Variants in SPOCK1 observed in about 807,000 individuals in gnomAD.
The protein encoded by SPOCK1 is testican-1.
A neutral mutation model predicts 55.3 loss-of-function variants in SPOCK1; 23 were observed. That is an observed-to-expected ratio of 0.42 (90% CI 0.30 to 0.59). SPOCK1 has a LOEUF of 0.59. Among genes scored for constraint, SPOCK1 ranks in the 20% least tolerant of loss-of-function variants. The pLI is 0.22. For missense variants in SPOCK1, 499 were observed against 552.5 expected (o/e 0.90, Z 0.97); for synonymous variants, 226 against 221.0 (o/e 1.02, Z -0.20).
At chr5:137,290,227 G>A (rs1226449073) in intron 2 of SPOCK1, among the ~76,000 whole-genome samples, 5 of 151,956 alleles carry the variant, frequency 3.3e-5, no homozygotes, top group Non-Finnish European at 5.9e-5. Flanking sequence ...TAATCAAATG[G>A]ACATTGTGTT....
intron 3 of SPOCK1, among the ~76,000 whole-genome samples, chr5:137,187,246 G>C (rs1295223679): frequency 1.3e-5 from 2 of 152,120 alleles, no homozygotes; most frequent in Non-Finnish European, 2.9e-5. Flanking sequence ...TGAGCTCCAG[G>C]CTCATCTGTC....
intron 6 of SPOCK1, among the ~76,000 whole-genome samples, chr5:137,017,411 C>A (rs1751468375): frequency 6.6e-6 from 1 of 152,152 alleles, no homozygotes; most frequent in Non-Finnish European, 1.5e-5. Flanking sequence ...TAAAAGAAAA[C>A]AAGAATAATA....
intron 2 of SPOCK1, among the ~76,000 whole-genome samples, chr5:137,426,882 C>G (rs1752623522): frequency 6.6e-6 from 1 of 152,166 alleles, no homozygotes; most frequent in Admixed American, 6.5e-5. Flanking sequence ...ATAAGGTGCA[C>G]CACAATATTG....
chr5:137,322,186 G>T (rs753222097), intron 2 of SPOCK1, among the ~76,000 whole-genome samples: 7 of 151,818 alleles, frequency 4.6e-5, no homozygotes, highest in Non-Finnish European at 8.8e-5. Flanking sequence ...ACAAAAATTA[G>T]CCAGGCATGT....
chr5:137,208,161 A>T (rs569437684), intron 3 of SPOCK1, among the ~76,000 whole-genome samples: 1 of 152,270 alleles, frequency 6.6e-6, no homozygotes, highest in East Asian at 1.9e-4. Context: ...CCAGAAAAAC[A>T]TTATTTTTTT....
rs116556490 is a variant in SPOCK1, at chr5:137,171,204, C to T, written c.233-30510G>A. Reference sequence around the variant, plus strand: ...CTGACAATCTGCTCTTCTCCCATCACGCTCGCCTCTGAACTCACGCTCTTG... The same window carrying T: ...CTGACAATCTGCTCTTCTCCCATCATGCTCGCCTCTGAACTCACGCTCTTG... On this transcript the variant is annotated intron_variant, in intron 3 of 10. Coordinates refer to ENST00000394945, the MANE Select transcript of SPOCK1 (RefSeq NM_004598.4). 7.6e-3 allele frequency among the ~76,000 whole-genome samples: 1,159 copies of T among 152,278 alleles called. 16 individuals are homozygous for T. The highest frequency in any genetic ancestry group is 0.027 in the African/African-American group (1,125 of 41,568).
chr5:137,335,406 G>T (rs2127153325), intron 2 of SPOCK1, among the ~76,000 whole-genome samples: 1 of 152,360 alleles, frequency 6.6e-6, no homozygotes, highest in African/African-American at 2.4e-5. Context: ...GTAGTGGAAT[G>T]ACAGGTGCTT....
intron 2 of SPOCK1, among the ~76,000 whole-genome samples, chr5:137,282,520 T>G (rs948188255): frequency 5.9e-5 from 9 of 152,194 alleles, no homozygotes; most frequent in Non-Finnish European, 1.2e-4. Context: ...GGGCCCACAC[T>G]CCTGCTATCA....
chr5:137,276,596 C>T, intron 2 of SPOCK1, among the ~76,000 whole-genome samples: 1 of 152,236 alleles, frequency 6.6e-6, no homozygotes, highest in East Asian at 1.9e-4. Context: ...ACAATCCAAC[C>T]TCGGCTGGTT....
intron 3 of SPOCK1, among the ~76,000 whole-genome samples, chr5:137,195,418 CTTAACA>C (rs1374390771): frequency 6.6e-6 from 1 of 152,226 alleles, no homozygotes; most frequent in Non-Finnish European, 1.5e-5. Context: ...TGTGGTTTTG[CTTAACA>C]TTAATTGTTT....
chr5:137,273,662 G>A (rs924786542), intron 2 of SPOCK1, among the ~76,000 whole-genome samples: 29 of 152,068 alleles, frequency 1.9e-4, no homozygotes, highest in African/African-American at 6.3e-4. Context: ...CATTGCTGCC[G>A]AACAGCTAGC....
intron 2 of SPOCK1, among the ~76,000 whole-genome samples, chr5:137,497,650 T>A (rs1442736569): frequency 6.6e-6 from 1 of 152,114 alleles, no homozygotes; most frequent in Non-Finnish European, 1.5e-5. Context: ...AGGCCGCAAG[T>A]GTGTTTCTGC....
At chr5:137,283,608 G>A (rs1757206959) in intron 2 of SPOCK1, among the ~76,000 whole-genome samples, 1 of 152,106 alleles carries the variant, frequency 6.6e-6, no homozygotes, top group Non-Finnish European at 1.5e-5. Flanking sequence ...CCAGCTACCT[G>A]GGAGGATGAG....
chr5:137,209,905 C>T (rs1244357006), intron 3 of SPOCK1, among the ~76,000 whole-genome samples: 1 of 152,216 alleles, frequency 6.6e-6, no homozygotes, highest in Non-Finnish European at 1.5e-5. Flanking sequence ...TGCTCTTGGG[C>T]ATTAAGACTC....
intron 2 of SPOCK1, among the ~76,000 whole-genome samples, chr5:137,346,877 T>C (rs974075845): frequency 2.0e-5 from 3 of 152,278 alleles, no homozygotes; most frequent in East Asian, 3.9e-4. Context: ...CAAATCTACA[T>C]GGTGTATGCC....
chr5:137,362,636 T>C (rs1449470138), intron 2 of SPOCK1, among the ~76,000 whole-genome samples: 2 of 152,124 alleles, frequency 1.3e-5, no homozygotes, highest in Non-Finnish European at 2.9e-5. Context: ...CCAGCAAACT[T>C]TTAATGTAAA....
chr5:137,024,289 T>C (rs1224020109), intron 6 of SPOCK1, among the ~76,000 whole-genome samples: 2 of 116,344 alleles, frequency 1.7e-5, no homozygotes, highest in Admixed American at 1.0e-4. Context: ...ATAAATTCCA[T>C]AAGCACTAAA....
At chr5:137,168,981 C>A (rs1209736794) in intron 3 of SPOCK1, among the ~76,000 whole-genome samples, 1 of 152,078 alleles carries the variant, frequency 6.6e-6, no homozygotes, top group East Asian at 1.9e-4. Context: ...ACAAAGAAAA[C>A]ATGGTACATA....
rs1046092378 is a variant in SPOCK1 at position 137,401,715 on chromosome 5, C to A, written c.186+96658G>T. On this transcript the variant is annotated intron_variant, in intron 2 of 10. Coordinates refer to ENST00000394945, the MANE Select transcript of SPOCK1 (RefSeq NM_004598.4). ...AGCATGATCTCACCACTGCATTCCA[C>A]CCTGGGTGACACAGTGAGACCCTGA... 4.6e-5 allele frequency among the ~76,000 whole-genome samples: 7 copies of A among 152,050 alleles called. No individual in the cohort carries two copies. In the East Asian group the frequency reaches 1.4e-3, roughly 29 times the overall value.
Sources: gnomAD v4.1 joint callset for allele counts (sites outside exome capture counted in the v4.1 genomes callset) on GRCh38, gnomAD v4.1.1 for gene constraint, MANE v1.5 for transcripts, NCBI Gene and HGNC (gene_info 2026-07-23, HGNC 2026-07-21) for gene names.